The following CDC14B variants were observed in gnomAD, a reference collection of about 807,000 sequenced individuals.
The protein encoded by CDC14B is cell division cycle 14B.
In CDC14B, 22 loss-of-function variants were observed where a neutral mutation model predicts 64.2. The ratio of observed to expected loss-of-function variants is 0.34; its 90% CI spans 0.24 to 0.49. The LOEUF is 0.49. Ranked by LOEUF, CDC14B falls within the 20% of genes least tolerant of loss-of-function variation. The probability of loss-of-function intolerance (pLI) is 0.99; values close to 1 mark genes in which losing one functional copy is unlikely to be tolerated. For missense variants in CDC14B, 498 were observed against 629.9 expected, an observed-to-expected ratio of 0.79 and a Z score of 2.24; for synonymous variants, 191 against 215.8, an observed-to-expected ratio of 0.89 and a Z score of 1.01.
At chr9:96,604,683 G>A (rs1274968748) in intron 1 of CDC14B, among the ~76,000 whole-genome samples, 1 of 150,214 alleles carries the variant, frequency 6.7e-6, no homozygotes, top group Non-Finnish European at 1.5e-5. Flanking sequence ...GGCGGGGCAG[G>A]AGGGGGACAG....
At chr9:96,539,187 AAC>A (rs769733586) in intron 6 of CDC14B, 47 bp from the exon 7 acceptor site, 11 of 1,305,026 alleles carry the variant, frequency 8.4e-6, no homozygotes, top group Middle Eastern at 1.8e-4. Flanking sequence ...CAAATAAGAA[AAC>A]AGTTTCCTAT....
intron 1 of CDC14B, among the ~76,000 whole-genome samples, chr9:96,565,879 G>C (rs1192090458): frequency 6.6e-6 from 1 of 152,146 alleles, no homozygotes; most frequent in Non-Finnish European, 1.5e-5. Flanking sequence ...ATCCTAAAAA[G>C]TCATTTCAGT....
chr9:96,562,282 T>A (rs557326175), intron 4 of CDC14B, among the ~76,000 whole-genome samples: 93 of 152,242 alleles, frequency 6.1e-4, no homozygotes, highest in African/African-American at 2.1e-3. Flanking sequence ...TTTAAAAAAA[T>A]TTTTAGAAAA....
intron 13 of CDC14B, among the ~76,000 whole-genome samples, chr9:96,506,112 T>C (rs1834091127): frequency 6.6e-6 from 1 of 152,092 alleles, no homozygotes; most frequent in South Asian, 2.1e-4. Context: ...GCCGCAGAGA[T>C]GATGACAAAC....
chr9:96,563,578 G>C (rs982399391), intron 3 of CDC14B, among the ~76,000 whole-genome samples: 1 of 151,438 alleles, frequency 6.6e-6, no homozygotes, highest in Non-Finnish European at 1.5e-5. Context: ...TGAACCAGGG[G>C]GGTGGAGGTT....
At chr9:96,534,667 G>A in intron 7 of CDC14B, 125 bp from the exon 8 acceptor site, 3 of 643,126 alleles carry the variant, frequency 4.7e-6, no homozygotes, top group Non-Finnish European at 8.3e-6. Context: ...TTTACAAATT[G>A]CCATGAGACA....
chr9:96,495,441 C>T (rs1366487483), downstream of CDC14B, among the ~76,000 whole-genome samples: 3 of 133,862 alleles, frequency 2.2e-5, no homozygotes, highest in Non-Finnish European at 4.7e-5. Flanking sequence ...ACATTGACTT[C>T]AGTGTGCCTG....
At chr9:96,593,476 G>A (rs1321465818) in intron 1 of CDC14B, among the ~76,000 whole-genome samples, 11 of 135,572 alleles carry the variant, frequency 8.1e-5, no homozygotes, top group African/African-American at 2.5e-4. Context: ...GACAGAGCAA[G>A]ACTTGGTCTC....
At chr9:96,566,658 A>T in intron 1 of CDC14B, 1 of 1,045,588 alleles carries the variant, frequency 9.6e-7, no homozygotes, top group Non-Finnish European at 1.4e-6. Context: ...CACGCAGGAG[A>T]CAAGGGCGGC....
intron 4 of CDC14B, among the ~76,000 whole-genome samples, chr9:96,559,213 CA>C (rs1483891737): frequency 6.6e-6 from 1 of 152,222 alleles, no homozygotes; most frequent in African/African-American, 2.4e-5. Context: ...GCCCAACCCA[CA>C]TTAGGTCTTT....
At chr9:96,598,385 G>A (rs1846219970) in intron 1 of CDC14B, among the ~76,000 whole-genome samples, 1 of 152,138 alleles carries the variant, frequency 6.6e-6, no homozygotes, top group African/African-American at 2.4e-5. Context: ...CACCCAGGCT[G>A]GAGTGCAGTG....
intron 7 of CDC14B, among the ~76,000 whole-genome samples, chr9:96,535,727 TACTGG>T (rs893902048): frequency 1.4e-5 from 2 of 138,006 alleles, no homozygotes; most frequent in Non-Finnish European, 2.9e-5. Context: ...CAAACCAGTT[TACTGG>T]ACTTAATGAT....
At chr9:96,580,281 G>T (rs1845069060) in intron 1 of CDC14B, among the ~76,000 whole-genome samples, 1 of 150,902 alleles carries the variant, frequency 6.6e-6, no homozygotes, top group South Asian at 2.1e-4. Context: ...GCCCAGGTTG[G>T]AGTGCAATGG....
intron 1 of CDC14B, among the ~76,000 whole-genome samples, chr9:96,592,512 A>G (rs979416643): frequency 3.9e-5 from 6 of 152,188 alleles, no homozygotes; most frequent in Non-Finnish European, 8.8e-5. Context: ...ACAGCGGCTC[A>G]CGCCTGTAAT....
At chr9:96,585,213 C>CT (rs531434808) in intron 1 of CDC14B, among the ~76,000 whole-genome samples, 8,696 of 143,682 alleles carry the variant, frequency 0.061, 823 homozygotes, top group African/African-American at 0.2. Flanking sequence ...GATTAAGGCA[C>CT]TTTTTTTTTT....
chr9:96,504,022 A>C (rs2131253502), intron 13 of CDC14B, among the ~76,000 whole-genome samples: 1 of 152,272 alleles, frequency 6.6e-6, no homozygotes, highest in East Asian at 1.9e-4. Context: ...AAAAAATAGA[A>C]ATTTAAAAAA....
At chr9:96,523,447 A>G in intron 10 of CDC14B, 27 bp from the exon 11 acceptor site, 1 of 1,607,136 alleles carries the variant, frequency 6.2e-7, no homozygotes, top group South Asian at 1.1e-5. Context: ...ACATCAAAAT[A>G]GAGCTTTCCA....
intron 1 of CDC14B, among the ~76,000 whole-genome samples, chr9:96,571,473 C>T (rs945720613): frequency 1.2e-4 from 18 of 151,872 alleles, no homozygotes; most frequent in Non-Finnish European, 2.1e-4. Context: ...CTCGCCTGGG[C>T]TATAATGAAT....
intron 6 of CDC14B, 80 bp from the exon 7 acceptor site, chr9:96,539,220 A>G (rs1243221918): frequency 2.0e-6 from 2 of 989,910 alleles, no homozygotes; most frequent in Non-Finnish European, 3.2e-6. Context: ...AATACTAAAT[A>G]TCAGGGGCCC....
Sources: allele counts gnomAD v4.1 joint callset (sites outside exome capture counted in the v4.1 genomes callset), GRCh38; gene constraint gnomAD v4.1.1; transcripts MANE v1.5; gene names NCBI Gene and HGNC (gene_info 2026-07-23, HGNC 2026-07-21).